Variants in RBFA observed in about 807,000 individuals in gnomAD.
RBFA encodes the protein ribosome binding factor A.
In RBFA, 16 loss-of-function variants were observed where a neutral mutation model predicts 27.9. That is an observed-to-expected ratio of 0.57 (90% confidence interval 0.39 to 0.87). The LOEUF is 0.87. Ranked by LOEUF, RBFA falls within the 40% of genes least tolerant of loss-of-function variation. The probability of loss-of-function intolerance (pLI) is 0.00; values close to 1 mark genes in which losing one functional copy is unlikely to be tolerated. For synonymous variants in RBFA, 181 were observed against 181.0 expected, an observed-to-expected ratio of 1.00 and a Z score of 0.00; for missense variants, 456 against 432.1, an observed-to-expected ratio of 1.06 and a Z score of -0.49.
At position 80,046,648 on chromosome 18, in the gene RBFA, G is replaced by C. The variant is rs927292598; in HGVS notation, c.*493G>C. On this transcript the variant is annotated 3_prime_UTR_variant, in exon 7 of 7. Transcript: ENST00000306735. Reference sequence around the variant, plus strand: ...ATCCCTGGGGCTGCTGGGTCGGCACGTGGCGCCGGGGGCTCCGTCCCTGAC... The same window carrying C: ...ATCCCTGGGGCTGCTGGGTCGGCACCTGGCGCCGGGGGCTCCGTCCCTGAC... Among the ~76,000 whole-genome samples, 1 of 152,102 alleles carries C rather than the reference G, an allele frequency of 6.6e-6. No individual in the cohort carries two copies.
rs111664784 is a variant in RBFA, at chr18:80,049,154, C to T, written c.*2999C>T. On this transcript the variant is annotated 3_prime_UTR_variant, in exon 7 of 7. Coordinates refer to ENST00000306735, the MANE Select transcript of RBFA (RefSeq NM_024805.3). ...GAATGGGTCCACTCCTGGGGATTTCCGCGGCCTTCCCTGGGAGCGGGTTAG... is the reference window on the plus strand; with the variant it reads ...GAATGGGTCCACTCCTGGGGATTTCTGCGGCCTTCCCTGGGAGCGGGTTAG... 2.0e-5 allele frequency among the ~76,000 whole-genome samples: 3 copies of T among 151,444 alleles called. No individual in the cohort carries two copies. The highest frequency in any genetic ancestry group is 2.1e-4 in the South Asian group (1 of 4,800).
At chr18:80,044,357 C>A in intron 6 of RBFA, 72 bp downstream of exon 6, 1 of 1,337,054 alleles carries the variant, frequency 7.5e-7, no homozygotes, top group Non-Finnish European at 1.1e-6. Context: ...TTTTCCAGAG[C>A]AGCTGCCCAG....
rs1217177094 is a variant in RBFA, at chr18:80,046,688, C to G, written c.*533C>G. Among the ~76,000 whole-genome samples, 1 of 152,238 alleles carries G rather than the reference C, an allele frequency of 6.6e-6. No homozygotes were observed. Among genetic ancestry groups the G allele is most frequent in the African/African-American group, 2.4e-5 (1 of 41,464 alleles). On this transcript the variant is annotated 3_prime_UTR_variant, in exon 7 of 7. Coordinates refer to ENST00000306735, the MANE Select transcript of RBFA (RefSeq NM_024805.3). ...CCGTCCCTGACTGGCCTCTTCACAG[C>G]TTTGTGCAGCAGGCTCCACCTTCTG...
rs2051985498 is a variant in RBFA, at chr18:80,037,277, T to C, written c.202-53T>C. The C allele has an allele frequency of 2.6e-6, 4 of 1,519,732 alleles. No individual in the cohort carries two copies. In the African/African-American group the frequency reaches 5.5e-5, roughly 21 times the overall value. The allele number at this position is 1,519,732 out of a possible 1,614,324, so 94.1% of individuals were successfully genotyped here. ...CCCCAGCCCCTGCTGTGTGACTTGGTGAGTTTGGAGTTGTAACGCTGCCCT... is the reference window on the plus strand; with the variant it reads ...CCCCAGCCCCTGCTGTGTGACTTGGCGAGTTTGGAGTTGTAACGCTGCCCT... On this transcript the variant is annotated intron_variant, in intron 2 of 6. Transcript: ENST00000306735.
intron 1 of RBFA, among the ~76,000 whole-genome samples, chr18:80,036,311 A>G (rs1490224019): frequency 2.6e-5 from 4 of 152,162 alleles, no homozygotes; most frequent in African/African-American, 9.7e-5. Context: ...GTCTCAGTCT[A>G]TGCCTATAAC....
Position 80,034,499 on chromosome 18 carries a change from T to C in RBFA, c.4T>C (p.Trp2Arg). ...CTCCGGGTCCCGGCGCCGCGCCATG[T>C]GGGCTGCGGCGGGCGGGCTGTGGCG... M[W>R]AAAGGLWRSR... The change falls in exon 1 of 7, where the codon TGG becomes CGG. Residue 2 changes from tryptophan to arginine, a missense_variant. By Grantham distance (101) the Trp-to-Arg change is moderately radical. Coordinates refer to ENST00000306735, the MANE Select transcript of RBFA (RefSeq NM_024805.3). The C allele has an allele frequency of 6.5e-7, 1 of 1,550,088 alleles. No homozygotes were observed. Among genetic ancestry groups the C allele is most frequent in the Non-Finnish European group, 8.6e-7 (1 of 1,156,754 alleles).
In RBFA at chr18:80,047,025, T is replaced by A. The variant is rs1841056901; in HGVS notation, c.*870T>A. ...CTCCTATTTAGTTCGGCTTCCCTCT[T>A]AATGTCCCAGCCCCTGTGAGCTGTC... On this transcript the variant is annotated 3_prime_UTR_variant, in exon 7 of 7. Transcript: ENST00000306735. 6.6e-6 allele frequency: 1 copy of A among 152,288 alleles called. No homozygotes were observed. The allele number at this position is 152,288 out of a possible 1,614,324, so 9.4% of individuals were successfully genotyped here.
chr18:80,041,367 G>C (rs2052014381), intron 4 of RBFA: 1 of 152,174 alleles, frequency 6.6e-6, no homozygotes, highest in Non-Finnish European at 1.5e-5. Flanking sequence ...GCTTTCGCTG[G>C]TTATATGTGC....
At chr18:80,040,453 G>T (rs564374342) in intron 4 of RBFA, among the ~76,000 whole-genome samples, 1 of 151,978 alleles carries the variant, frequency 6.6e-6, no homozygotes, top group African/African-American at 2.4e-5. Context: ...TCTCTATGTT[G>T]TCTAGGCTGG....
intron 1 of RBFA, 48 bp from the exon 2 acceptor site, chr18:80,036,620 C>G: frequency 6.9e-7 from 1 of 1,451,824 alleles, no homozygotes; most frequent in Non-Finnish European, 9.7e-7. Context: ...GCTTATGTAA[C>G]TTTTTGACTT....
Position 80,037,647 on chromosome 18 carries a change from T to C in RBFA, c.378+141T>C. ...GCTCACGCCTGTAATCCTAGCACTTTGGGAGGCTGAGGCGGGCGGATCACG... is the reference window on the plus strand; with the variant it reads ...GCTCACGCCTGTAATCCTAGCACTTCGGGAGGCTGAGGCGGGCGGATCACG... On this transcript the variant is annotated intron_variant, in intron 3 of 6. Coordinates refer to ENST00000306735, the MANE Select transcript of RBFA (RefSeq NM_024805.3). The C allele has an allele frequency of 8.2e-6, 5 of 606,888 alleles. No homozygotes were observed. The South Asian group carries it at 1.6e-4, about 20-fold the overall frequency. 37.6% of individuals were successfully genotyped at this position (606,888 alleles called of 1,614,324 possible). A position where few individuals can be genotyped will look rare whatever the true frequency, so the allele number is the denominator to read the frequency against.
Position 80,046,083 on chromosome 18 carries a change from A to G in RBFA, c.960A>G (p.Thr320=). The G allele has an allele frequency of 6.2e-7, 1 of 1,614,180 alleles. No individual in the cohort carries two copies. Among genetic ancestry groups the G allele is most frequent in the East Asian group, 2.2e-5 (1 of 44,876 alleles). ...AGTACGAATGCTATGCCCCGGACAC[A>G]GAGGAGTTGGAGGCAGAGAGAGGAG... ...APEYECYAPD[T]EELEAERGGG... The change falls in exon 7 of 7, where the codon ACA becomes ACG. Residue 320 remains threonine, a synonymous_variant. Coordinates refer to ENST00000306735, the MANE Select transcript of RBFA (RefSeq NM_024805.3).
Position 80,045,842 on chromosome 18 carries a change from A to C in RBFA, c.719A>C (p.Asp240Ala). ...PTTSSSLCGIDHEALNKQIME... is the reference protein window; with the variant it reads ...PTTSSSLCGIAHEALNKQIME... The stretch of plus-strand genomic sequence containing the variant: ...ACAAGCTCCAGTCTGTGTGGGATCG[A>C]TCATGAGGCGCTCAACAAGCAGATT... The change falls in exon 7 of 7, where the codon GAT (aspartate) becomes GCT (alanine). Residue 240 changes from aspartate (D) to alanine (A), a missense_variant. By Grantham distance (126) the Asp-to-Ala change is moderately radical. Coordinates refer to ENST00000306735, the MANE Select transcript of RBFA (RefSeq NM_024805.3). 1 of 1,573,456 alleles carries C rather than the reference A, an allele frequency of 6.4e-7. No individual in the cohort carries two copies. Among genetic ancestry groups the C allele is most frequent in the Non-Finnish European group, 8.6e-7 (1 of 1,159,846 alleles).
In RBFA at chr18:80,045,858, CA is replaced by C. The variant is rs2052048990; in HGVS notation, c.737del (p.Lys246SerfsTer26). The C allele has an allele frequency of 1.9e-6, 3 of 1,588,690 alleles. No individual in the cohort carries two copies. Among genetic ancestry groups the C allele is most frequent in the Non-Finnish European group, 2.6e-6 (3 of 1,167,168 alleles). Reference sequence around the variant, plus strand: ...GTGGGATCGATCATGAGGCGCTCAACAAGCAGATTATGGAGTACAAAAGGAG... The same window carrying C: ...GTGGGATCGATCATGAGGCGCTCAACAGCAGATTATGGAGTACAAAAGGAG... ...LCGIDHEALN[K>X]QIMEYKRRKD... On this transcript the variant is annotated frameshift_variant, in exon 7 of 7. Transcript: ENST00000306735. LOFTEE classifies it low-confidence loss of function (END_TRUNC).
At chr18:80,045,032 C>T (rs2052041434) in intron 6 of RBFA, among the ~76,000 whole-genome samples, 1 of 152,190 alleles carries the variant, frequency 6.6e-6, no homozygotes, top group Non-Finnish European at 1.5e-5. Flanking sequence ...GAGCTGAGCC[C>T]AGGGTGTGGA....
Position 80,048,881 on chromosome 18 carries a change from G to A in RBFA, c.*2726G>A, listed in dbSNP as rs575638811. Among the ~76,000 whole-genome samples the A allele has an allele frequency of 2.7e-5, 4 of 147,126 alleles. No homozygotes were observed. Among genetic ancestry groups the A allele is most frequent in the African/African-American group, 8.0e-5 (3 of 37,492 alleles). On this transcript the variant is annotated 3_prime_UTR_variant, in exon 7 of 7. Transcript: ENST00000306735. ...ATGTTTGCAGGGGATCCAACCAGGC[G>A]TCGGCTCAGTGCCTCCTAGAAAGTG...
chr18:80,037,325 T>G lies in RBFA; in HGVS notation c.202-5T>G. 6.2e-7 allele frequency: 1 copy of G among 1,612,976 alleles called. No individual in the cohort carries two copies. Among genetic ancestry groups the G allele is most frequent in the Non-Finnish European group, 8.5e-7 (1 of 1,179,432 alleles). On this transcript the variant is annotated splice_region_variant and splice_polypyrimidine_tract_variant and intron_variant, in intron 2 of 6. Transcript: ENST00000306735. ...CCTTGGGGTGTGCTCTTCTTCCTGA[T>G]GGAGACTTACAAACCATCCAAGTTG...
rs1263293144 is a variant in RBFA at position 80,046,371 on chromosome 18, T to G, written c.*216T>G. 1.0e-5 allele frequency: 6 copies of G among 573,738 alleles called. No homozygotes were observed. The highest frequency in any genetic ancestry group is 1.8e-5 in the Non-Finnish European group (6 of 328,240). The allele number at this position is 573,738 out of a possible 1,614,324, so 35.5% of individuals were successfully genotyped here. ...GTAATTTAAAAATTAAATGGCCATC[T>G]TATCACAGATTCTCACAAAAAGAAA... On this transcript the variant is annotated 3_prime_UTR_variant, in exon 7 of 7. Transcript: ENST00000306735.
In RBFA at chr18:80,036,674, G is replaced by T; in HGVS notation, c.165G>T (p.Lys55Asn). The change falls in exon 2 of 7, where the codon AAG becomes AAT. Residue 55 changes from lysine to asparagine, a missense_variant. Physicochemically the swap from Lys to Asn is moderately conservative, Grantham distance 94. Coordinates refer to ENST00000306735, the MANE Select transcript of RBFA (RefSeq NM_024805.3). ...LKKFASKTKKKVWYESPSLGS... is the reference protein window; with the variant it reads ...LKKFASKTKKNVWYESPSLGS... ...GCTTATTTTCTCCCCAAAGAAAAAAGGTTTGGTATGAAAGTCCTTCCTTGG... is the reference window on the plus strand; with the variant it reads ...GCTTATTTTCTCCCCAAAGAAAAAATGTTTGGTATGAAAGTCCTTCCTTGG... 6.2e-7 allele frequency: 1 copy of T among 1,611,850 alleles called. No individual in the cohort carries two copies. The highest frequency in any genetic ancestry group is 8.5e-7 in the Non-Finnish European group (1 of 1,178,648).
Sources: allele counts gnomAD v4.1 joint callset (sites outside exome capture counted in the v4.1 genomes callset), GRCh38; gene constraint gnomAD v4.1.1; transcripts MANE v1.5; gene names NCBI Gene and HGNC (gene_info 2026-07-23, HGNC 2026-07-21).